The following RNF149 variants were observed in gnomAD, a reference collection of about 807,000 sequenced individuals.
RNF149 encodes the protein E3 ubiquitin-protein ligase RNF149.
A neutral mutation model predicts 39.0 loss-of-function variants in RNF149; 21 were observed. The ratio of observed to expected loss-of-function variants is 0.54; its 90% CI spans 0.38 to 0.77. RNF149 has a LOEUF of 0.77. Among genes scored for constraint, RNF149 ranks in the 30% least tolerant of loss-of-function variants. RNF149 has a pLI of 0.00. For synonymous variants in RNF149, 209 were observed against 213.6 expected (o/e 0.98, Z 0.19); for missense variants, 493 against 534.9 (o/e 0.92, Z 0.77).
intron 1 of RNF149, among the ~76,000 whole-genome samples, chr2:101,300,049 ACT>A (rs1232717079): frequency 1.3e-5 from 2 of 152,146 alleles, no homozygotes; most frequent in African/African-American, 2.4e-5. Flanking sequence ...AATGAGAATG[ACT>A]CTATTTTGGA....
chr2:101,281,007 C>A (rs928143857), intron 6 of RNF149, among the ~76,000 whole-genome samples: 1 of 152,024 alleles, frequency 6.6e-6, no homozygotes, highest in Non-Finnish European at 1.5e-5. Context: ...ACACTCCAGC[C>A]AGGGTGACAG....
chr2:101,288,352 C>T (rs1682876392), intron 4 of RNF149, among the ~76,000 whole-genome samples: 1 of 151,598 alleles, frequency 6.6e-6, no homozygotes, highest in African/African-American at 2.4e-5. Context: ...ATTCTCCTGC[C>T]CCAGCTACCT....
At chr2:101,284,337 T>C (rs941381880) in intron 5 of RNF149, among the ~76,000 whole-genome samples, 3 of 152,120 alleles carry the variant, frequency 2.0e-5, no homozygotes, top group Admixed American at 6.5e-5. Context: ...CTCAGCACTT[T>C]GGGAGGCTGA....
chr2:101,293,931 G>T, intron 3 of RNF149, 83 bp downstream of exon 3: 1 of 774,740 alleles, frequency 1.3e-6, no homozygotes, highest in Non-Finnish European at 2.1e-6. Context: ...AAATATTTCT[G>T]CCAATCCTTC....
rs147840481 is a variant in RNF149, at chr2:101,295,069, A to T, written c.573T>A (p.His191Gln). The change falls in exon 2 of 7, where the codon CAT becomes CAA. Residue 191 changes from histidine (H) to glutamine (Q), a missense_variant. His to Gln is a conservative substitution (Grantham distance 24, BLOSUM62 0). Transcript: ENST00000295317. ...ACTGACCGCTGATGAACTCCTGTAC[A>T]TGCCGGGTGCCAACCCCTATGGTCA... ...VTMTIGVGTR[H>Q]VQEFISGQSV... The T allele has an allele frequency of 1.9e-6, 3 of 1,614,166 alleles. No homozygotes were observed. The highest frequency in any genetic ancestry group is 2.5e-6 in the Non-Finnish European group (3 of 1,180,028).
chr2:101,297,226 G>A (rs1035698154), intron 1 of RNF149, among the ~76,000 whole-genome samples: 4 of 150,304 alleles, frequency 2.7e-5, no homozygotes, highest in Non-Finnish European at 5.9e-5. Flanking sequence ...AATACAAAAA[G>A]GGCAAATGGT....
intron 1 of RNF149, among the ~76,000 whole-genome samples, chr2:101,296,902 A>G (rs1385263580): frequency 6.6e-6 from 1 of 152,116 alleles, no homozygotes; most frequent in Non-Finnish European, 1.5e-5. Context: ...TAAAAGCAAA[A>G]CCAAGTTCAA....
chr2:101,300,443 A>G (rs1683408879), intron 1 of RNF149, among the ~76,000 whole-genome samples: 1 of 152,218 alleles, frequency 6.6e-6, no homozygotes, highest in South Asian at 2.1e-4. Flanking sequence ...AACACTTGCA[A>G]TATCAATCTG....
chr2:101,287,150 G>A (rs1380972536), intron 4 of RNF149, among the ~76,000 whole-genome samples: 2 of 151,908 alleles, frequency 1.3e-5, no homozygotes, highest in Non-Finnish European at 1.5e-5. Context: ...GGTGAAACCC[G>A]CTCTACACTA....
intron 6 of RNF149, among the ~76,000 whole-genome samples, chr2:101,281,328 C>A (rs1011468824): frequency 4.6e-5 from 7 of 151,958 alleles, no homozygotes; most frequent in African/African-American, 1.7e-4. Context: ...ATTCACCGAC[C>A]CTTAAACACC....
chr2:101,277,170 TAA>T lies in RNF149; in HGVS notation c.*66_*67del. 1 of 1,572,856 alleles carries T rather than the reference TAA, an allele frequency of 6.4e-7. No homozygotes were observed. Among genetic ancestry groups the T allele is most frequent in the Non-Finnish European group, 8.7e-7 (1 of 1,154,768 alleles). On this transcript the variant is annotated 3_prime_UTR_variant, in exon 7 of 7. Transcript: ENST00000295317. Reference sequence around the variant, plus strand: ...CAAATATACAAATTATGTGCTAAAGTAAAAAAAATAAAATGTCCTTTAGTTCA... The same window carrying T: ...CAAATATACAAATTATGTGCTAAAGTAAAAAATAAAATGTCCTTTAGTTCA...
chr2:101,286,043 TG>T, intron 5 of RNF149, 37 bp downstream of exon 5: 1 of 1,179,316 alleles, frequency 8.5e-7, no homozygotes, highest in Non-Finnish European at 1.3e-6. Flanking sequence ...CAGGAAGAAC[TG>T]GGGCAGAGAT....
intron 3 of RNF149, among the ~76,000 whole-genome samples, chr2:101,291,977 A>T (rs944811117): frequency 1.3e-4 from 20 of 152,158 alleles, no homozygotes; most frequent in African/African-American, 4.1e-4. Context: ...AATGTACCTA[A>T]CCTACTGAAC....
In RNF149 at chr2:101,308,344, G is replaced by A. The variant is rs751000826; in HGVS notation, c.245C>T (p.Ala82Val). 1.3e-5 allele frequency: 21 copies of A among 1,598,660 alleles called. No homozygotes were observed. Among genetic ancestry groups the A allele is most frequent in the Non-Finnish European group, 1.8e-5 (21 of 1,175,262 alleles). Residue 82 changes from alanine to valine, a missense_variant, in exon 1 of 7, where the codon GCG (alanine) becomes GTG (valine). By Grantham distance (64) the Ala-to-Val change is moderately conservative. Coordinates refer to ENST00000295317, the MANE Select transcript of RNF149 (RefSeq NM_173647.4). ...GAHGLVGVPW[A>V]PGGDLEGCAP... ...GCAGCCCTCGAGGTCTCCGCCGGGC[G>A]CCCACGGGACGCCCACCAGGCCATG...
chr2:101,307,704 T>C (rs1252564782), intron 1 of RNF149: 1 of 404,546 alleles, frequency 2.5e-6, no homozygotes. Flanking sequence ...CAACGAGCCA[T>C]CACTTTATGT....
At chr2:101,277,415 G>A (rs1558775740) in intron 6 of RNF149, 134 bp from the exon 7 acceptor site, 2 of 1,267,816 alleles carry the variant, frequency 1.6e-6, no homozygotes, top group East Asian at 2.9e-5. Context: ...TTGAGACGGA[G>A]TCTTGTTCTT....
intron 1 of RNF149, among the ~76,000 whole-genome samples, chr2:101,301,925 C>A (rs1293719298): frequency 6.6e-6 from 1 of 152,250 alleles, no homozygotes; most frequent in Non-Finnish European, 1.5e-5. Flanking sequence ...GATTTCTGTT[C>A]TAGAAAACTA....
At chr2:101,287,850 C>CA (rs779136388) in intron 4 of RNF149, among the ~76,000 whole-genome samples, 7 of 152,282 alleles carry the variant, frequency 4.6e-5, no homozygotes, top group East Asian at 1.9e-4. Flanking sequence ...GCAAACAAAG[C>CA]AAAATATAAT....
chr2:101,307,700 G>GC (rs1683723842), intron 1 of RNF149: 1 of 364,224 alleles, frequency 2.7e-6, no homozygotes, highest in South Asian at 1.1e-4. Flanking sequence ...GTGCCAACGA[G>GC]CCATCACTTT....
Sources: allele counts gnomAD v4.1 joint callset (sites outside exome capture counted in the v4.1 genomes callset), GRCh38; gene constraint gnomAD v4.1.1; transcripts MANE v1.5; gene names NCBI Gene and HGNC (gene_info 2026-07-23, HGNC 2026-07-21).